MACROD2: variants seen among roughly 807,000 people sequenced by gnomAD.
MACROD2 encodes mono-ADP ribosylhydrolase 2.
Under a neutral mutation model 70.4 loss-of-function variants are expected in MACROD2, and 36 were observed. That is an observed-to-expected ratio of 0.51 (90% CI 0.39 to 0.68). The LOEUF (loss-of-function observed/expected upper bound fraction) is 0.68, where lower values mean the gene tolerates loss of function less well. MACROD2 is among the 30% of genes least tolerant of loss of function. MACROD2 has a pLI of 0.00. For missense variants in MACROD2, 496 were observed against 538.4 expected (o/e 0.92, Z 0.78); for synonymous variants, 172 against 178.8 (o/e 0.96, Z 0.30).
chr20:15,003,252 A>T (rs1428698919), intron 5 of MACROD2, among the ~76,000 whole-genome samples: 1 of 152,216 alleles, frequency 6.6e-6, no homozygotes, highest in Non-Finnish European at 1.5e-5. Context: ...CAGGGGAAAT[A>T]AGACACACAA....
chr20:14,075,945 T>C (rs568582797), intron 2 of MACROD2, among the ~76,000 whole-genome samples: 2 of 152,344 alleles, frequency 1.3e-5, no homozygotes, highest in South Asian at 2.1e-4. Context: ...ACAGCCTCCA[T>C]AAGATTACAT....
chr20:14,305,853 GT>G (rs2082516320), intron 3 of MACROD2, among the ~76,000 whole-genome samples: 1 of 148,750 alleles, frequency 6.7e-6, no homozygotes, highest in African/African-American at 2.5e-5. Context: ...TTTTTTTTTT[GT>G]TTTGAATTCC....
At chr20:15,001,438 C>G (rs1176470330) in intron 5 of MACROD2, among the ~76,000 whole-genome samples, 1 of 152,178 alleles carries the variant, frequency 6.6e-6, no homozygotes, top group Admixed American at 6.5e-5. Flanking sequence ...ATCTCTCCAG[C>G]TTTCCTCTAA....
intron 3 of MACROD2, among the ~76,000 whole-genome samples, chr20:14,478,770 A>T (rs2084627449): frequency 6.6e-6 from 1 of 152,148 alleles, no homozygotes; most frequent in Admixed American, 6.5e-5. Flanking sequence ...TTAGGTTTAC[A>T]TCGTAGGTCC....
intron 6 of MACROD2, among the ~76,000 whole-genome samples, chr20:15,354,966 A>G (rs2078270060): frequency 6.6e-6 from 1 of 152,228 alleles, no homozygotes; most frequent in Non-Finnish European, 1.5e-5. Context: ...AAGTTTCACA[A>G]CCACACTAAC....
chr20:15,967,462 C>T, intron 12 of MACROD2, 91 bp from the exon 13 acceptor site: 1 of 1,041,042 alleles, frequency 9.6e-7, no homozygotes, highest in Non-Finnish European at 1.4e-6. Context: ...TTCTATTTTT[C>T]CTCAAACATA....
chr20:14,570,048 T>C (rs1005730829), intron 4 of MACROD2, among the ~76,000 whole-genome samples: 1 of 152,078 alleles, frequency 6.6e-6, no homozygotes, highest in African/African-American at 2.4e-5. Flanking sequence ...AATGAATCTA[T>C]ATGTTCATCA....
chr20:15,164,283 A>AGAGAC (rs1173472319), intron 5 of MACROD2, among the ~76,000 whole-genome samples: 8 of 152,286 alleles, frequency 5.3e-5, no homozygotes, highest in African/African-American at 1.7e-4. Flanking sequence ...TAAGAAATCT[A>AGAGAC]GAGACGATTT....
At chr20:14,027,955 G>A (rs1018564401) in intron 2 of MACROD2, among the ~76,000 whole-genome samples, 3 of 152,308 alleles carry the variant, frequency 2.0e-5, no homozygotes, top group Middle Eastern at 3.4e-3. Flanking sequence ...TGGGAGATCC[G>A]CTGCTCTCTT....
In MACROD2 at chr20:14,493,526, C is replaced by A; in HGVS notation, c.301+18C>A. 6.2e-7 allele frequency: 1 copy of A among 1,600,398 alleles called. No homozygotes were observed. Among genetic ancestry groups the A allele is most frequent in the Non-Finnish European group, 8.5e-7 (1 of 1,169,658 alleles). On this transcript the variant is annotated intron_variant, in intron 4 of 17. Transcript: ENST00000684519. ...AGGAGGTGGTAAGTCCTGAACATCA[C>A]TTAACTTAAAATACATTTTAATTGT...
At chr20:15,091,354 A>C (rs2075791520) in intron 5 of MACROD2, among the ~76,000 whole-genome samples, 2 of 141,900 alleles carry the variant, frequency 1.4e-5, no homozygotes, top group African/African-American at 2.9e-5. Context: ...AAAACCAAAC[A>C]AAAAAAAAAT....
intron 5 of MACROD2, among the ~76,000 whole-genome samples, chr20:14,747,562 C>T (rs376969925): frequency 3.3e-5 from 5 of 152,058 alleles, no homozygotes; most frequent in African/African-American, 1.2e-4. Flanking sequence ...AGTAGGATTG[C>T]TTGGTAAAGA....
At chr20:15,149,971 T>G (rs2076257423) in intron 5 of MACROD2, among the ~76,000 whole-genome samples, 1 of 151,978 alleles carries the variant, frequency 6.6e-6, no homozygotes, top group South Asian at 2.1e-4. Context: ...ATGTAATGGT[T>G]TTGTTAGGAT....
chr20:15,607,454 C>T (rs959555627), intron 8 of MACROD2, among the ~76,000 whole-genome samples: 34 of 152,252 alleles, frequency 2.2e-4, no homozygotes, highest in African/African-American at 8.2e-4. Flanking sequence ...TGCATCTATT[C>T]TGCTCTTAAT....
chr20:14,240,902 G>A (rs2081923423), intron 3 of MACROD2, among the ~76,000 whole-genome samples: 1 of 152,156 alleles, frequency 6.6e-6, no homozygotes, highest in Non-Finnish European at 1.5e-5. Context: ...AGGCCGAGGT[G>A]GGTGGATCAT....
chr20:14,469,171 T>C (rs1215996365), intron 3 of MACROD2, among the ~76,000 whole-genome samples: 2 of 152,174 alleles, frequency 1.3e-5, no homozygotes, highest in African/African-American at 4.8e-5. Flanking sequence ...GGATTTTTTT[T>C]CTCCTTTGCT....
At chr20:15,746,976 A>G (rs569224706) in intron 8 of MACROD2, among the ~76,000 whole-genome samples, 43 of 152,314 alleles carry the variant, frequency 2.8e-4, no homozygotes, top group African/African-American at 9.9e-4. Flanking sequence ...GGCACCATCC[A>G]TGGTCAGATA....
At chr20:14,350,531 T>A (rs1374745777) in intron 3 of MACROD2, among the ~76,000 whole-genome samples, 7 of 152,222 alleles carry the variant, frequency 4.6e-5, no homozygotes, top group Non-Finnish European at 8.8e-5. Context: ...CTTTTTCCTA[T>A]GCCTGTTTGC....
At chr20:14,093,131 A>C (rs1369473839) in intron 3 of MACROD2, among the ~76,000 whole-genome samples, 1 of 152,194 alleles carries the variant, frequency 6.6e-6, no homozygotes, top group Non-Finnish European at 1.5e-5. Flanking sequence ...CTCAGGCTGG[A>C]ATACAGTGGC....
Sources: allele counts gnomAD v4.1 joint callset (sites outside exome capture counted in the v4.1 genomes callset), GRCh38; gene constraint gnomAD v4.1.1; transcripts MANE v1.5; gene names NCBI Gene and HGNC (gene_info 2026-07-23, HGNC 2026-07-21).